Variants in NT5E observed in about 807,000 individuals in gnomAD.
NT5E encodes the protein 5'-nucleotidase ecto.
In NT5E, 53 loss-of-function variants were observed where a neutral mutation model predicts 55.1. The ratio of observed to expected loss-of-function variants is 0.96; its 90% CI spans 0.77 to 1.21. NT5E has a LOEUF of 1.21. NT5E is among the 50% of genes most tolerant of loss of function. The pLI is 0.00. For synonymous variants in NT5E, 270 were observed against 278.4 expected, an observed-to-expected ratio of 0.97 and a Z score of 0.30; for missense variants, 683 against 724.3, an observed-to-expected ratio of 0.94 and a Z score of 0.65.
Position 85,450,410 on chromosome 6 carries a change from A to G in NT5E, c.271A>G (p.Ile91Val), listed in dbSNP as rs1768830895. The change falls in exon 1 of 9, where the codon ATC becomes GTC. Residue 91 changes from isoleucine to valine, a missense_variant. By Grantham distance (29) the Ile-to-Val change is conservative. Transcript: ENST00000257770. The surrounding 1 kb of genome is among the most constrained non-coding windows in gnomAD (Gnocchi z 4.0). ...LDAGDQYQGT[I>V]WFTVYKGAEV... ...CGCCGGCGACCAGTACCAGGGCACT[A>G]TCTGGTTCACCGTGTACAAGGGCGC... 1.9e-6 allele frequency: 3 copies of G among 1,603,484 alleles called. No individual in the cohort carries two copies. Among genetic ancestry groups the G allele is most frequent in the Non-Finnish European group, 2.6e-6 (3 of 1,176,152 alleles).
At chr6:85,477,691 C>A (rs922567215) in intron 3 of NT5E, among the ~76,000 whole-genome samples, 3 of 152,110 alleles carry the variant, frequency 2.0e-5, no homozygotes, top group African/African-American at 7.2e-5. Flanking sequence ...CCTTTTAGAA[C>A]GAGAAAACAA....
chr6:85,482,185 T>A (rs1769562862), intron 3 of NT5E, among the ~76,000 whole-genome samples: 1 of 152,210 alleles, frequency 6.6e-6, no homozygotes, highest in Admixed American at 6.5e-5. Context: ...TACAACATTC[T>A]ATACTTCAGT....
chr6:85,457,062 G>C (rs530521103), intron 1 of NT5E, among the ~76,000 whole-genome samples: 1 of 152,314 alleles, frequency 6.6e-6, no homozygotes, highest in Non-Finnish European at 1.5e-5. Flanking sequence ...GTAATCAAAA[G>C]ATGATTATGA....
Position 85,494,833 on chromosome 6 carries a change from G to A in NT5E, c.*829G>A, listed in dbSNP as rs1351076866. 1 of 152,244 alleles carries A rather than the reference G, an allele frequency of 6.6e-6. No individual in the cohort carries two copies. The highest frequency in any genetic ancestry group is 1.9e-4 in the East Asian group (1 of 5,196). 9.4% of individuals were successfully genotyped at this position (152,244 alleles called of 1,614,324 possible). ...ACGAGAGAAAGGAAGGGGAAGAACA[G>A]GACTCCAGGACTGTTTTATATTATA... On this transcript the variant is annotated 3_prime_UTR_variant, in exon 9 of 9. Transcript: ENST00000257770.
chr6:85,487,205 C>A, intron 4 of NT5E, 130 bp from the exon 5 acceptor site: 1 of 908,334 alleles, frequency 1.1e-6, no homozygotes, highest in Non-Finnish European at 1.7e-6. Context: ...TGGTCAAAAC[C>A]AAAATGCACA....
intron 3 of NT5E, among the ~76,000 whole-genome samples, chr6:85,484,547 G>A (rs551676112): frequency 8.4e-4 from 128 of 152,278 alleles, no homozygotes; most frequent in Admixed American, 3.2e-3. Flanking sequence ...GAGTGTGCCT[G>A]CTGGTTGGCC....
At chr6:85,466,486 T>G (rs1309696815) in intron 1 of NT5E, among the ~76,000 whole-genome samples, 3 of 152,080 alleles carry the variant, frequency 2.0e-5, no homozygotes, top group African/African-American at 7.2e-5. Context: ...AGATGCTAGC[T>G]CCTGCCTGCT....
intron 1 of NT5E, among the ~76,000 whole-genome samples, chr6:85,454,090 T>A (rs1768943885): frequency 1.3e-5 from 2 of 152,206 alleles, no homozygotes; most frequent in Non-Finnish European, 2.9e-5. Flanking sequence ...TTTACCCATC[T>A]CCACGTATTT....
chr6:85,492,099 G>A lies in NT5E; in HGVS notation c.1483G>A (p.Val495Met), dbSNP rs776773111. The change falls in exon 8 of 9, where the codon GTG becomes ATG. Residue 495 changes from valine to methionine, a missense_variant. Transcript: ENST00000257770. ...DPLKMDEVYK[V>M]ILPNFLANGG... ...TCTCAAAATGGACGAGGTATATAAG[G>A]TGATCCTCCCAAACTTCCTGGCCAA... 2.1e-5 allele frequency: 34 copies of A among 1,614,176 alleles called. No homozygotes were observed. Among genetic ancestry groups the A allele is most frequent in the Non-Finnish European group, 2.6e-5 (31 of 1,180,020 alleles).
intron 1 of NT5E, among the ~76,000 whole-genome samples, chr6:85,459,181 C>G (rs1769045427): frequency 1.3e-5 from 2 of 152,118 alleles, no homozygotes. Flanking sequence ...CTAGGCTGGT[C>G]TCAAACTCCT....
At chr6:85,471,478 T>A (rs763498806) in intron 3 of NT5E, 53 bp downstream of exon 3, 1 of 1,521,080 alleles carries the variant, frequency 6.6e-7, no homozygotes, top group African/African-American at 1.4e-5. Context: ...AAGCACTGTG[T>A]CTCTTTTGCC....
chr6:85,484,923 G>A lies in NT5E; in HGVS notation c.752-312G>A, dbSNP rs79992089. 7.6e-3 allele frequency among the ~76,000 whole-genome samples: 1,157 copies of A among 152,294 alleles called. 3 individuals carry two copies. Among genetic ancestry groups the A allele is most frequent in the Non-Finnish European group, 0.012 (828 of 68,024 alleles). On this transcript the variant is annotated intron_variant, in intron 3 of 8. Coordinates refer to ENST00000257770, the MANE Select transcript of NT5E (RefSeq NM_002526.4). ...AATCCACCTGGCTAGTGAGAATGGAGCCACAGTGAACCTGGAGGATACTCT... is the reference window on the plus strand; with the variant it reads ...AATCCACCTGGCTAGTGAGAATGGAACCACAGTGAACCTGGAGGATACTCT...
intron 3 of NT5E, among the ~76,000 whole-genome samples, chr6:85,475,737 A>G (rs1769420943): frequency 6.6e-6 from 1 of 152,124 alleles, no homozygotes; most frequent in African/African-American, 2.4e-5. Context: ...ATTTTAAGTG[A>G]GTTTTGGATT....
chr6:85,491,220 G>A (rs908692314), intron 7 of NT5E: 3 of 392,298 alleles, frequency 7.6e-6, no homozygotes, highest in Non-Finnish European at 1.5e-5. Context: ...AAGTTGAATG[G>A]AAATAAATGC....
At chr6:85,491,429 G>A in intron 7 of NT5E, 1 of 310,628 alleles carries the variant, frequency 3.2e-6, no homozygotes, top group Non-Finnish European at 6.3e-6. Context: ...TGTTGAGACT[G>A]AAGGGCTACA....
intron 1 of NT5E, among the ~76,000 whole-genome samples, chr6:85,459,476 T>C (rs1030725570): frequency 2.0e-5 from 3 of 152,264 alleles, no homozygotes; most frequent in Non-Finnish European, 4.4e-5. Context: ...TCTGCTATCC[T>C]TTGTTTTACC....
In NT5E at chr6:85,450,105, C is replaced by A; in HGVS notation, c.-35C>A. Reference sequence around the variant, plus strand: ...CCTACTCGCCGGCACTCGCCCGGCTCGCCCGCTTTCGCACCCAGTTCACGC... The same window carrying A: ...CCTACTCGCCGGCACTCGCCCGGCTAGCCCGCTTTCGCACCCAGTTCACGC... On this transcript the variant is annotated 5_prime_UTR_variant, in exon 1 of 9. Transcript: ENST00000257770. This position sits in a 1 kb window ranked among gnomAD's most constrained non-coding sequence, Gnocchi z 4.0. The A allele has an allele frequency of 9.2e-6, 14 of 1,519,094 alleles. No homozygotes were observed. Among genetic ancestry groups the A allele is most frequent in the Non-Finnish European group, 1.2e-5 (14 of 1,131,120 alleles). The allele number at this position is 1,519,094 out of a possible 1,614,324, so 94.1% of individuals were successfully genotyped here.
chr6:85,465,183 T>C (rs1434919403), intron 1 of NT5E, among the ~76,000 whole-genome samples: 2 of 152,158 alleles, frequency 1.3e-5, no homozygotes, highest in Admixed American at 1.3e-4. Flanking sequence ...AAGTCACTAC[T>C]TTCAGGAGGA....
rs764641438 is a variant in NT5E, at chr6:85,450,167, G to T, written c.28G>T (p.Ala10Ser). 8.9e-6 allele frequency: 14 copies of T among 1,578,566 alleles called. No individual in the cohort carries two copies. The highest frequency in any genetic ancestry group is 1.2e-5 in the Non-Finnish European group (14 of 1,160,834). Reference protein sequence around the residue: MCPRAARAPATLLLALGAVL... With the variant: MCPRAARAPSTLLLALGAVL... ...GTGTCCCCGAGCCGCGCGGGCGCCCGCGACGCTACTCCTCGCCCTGGGCGC... is the reference window on the plus strand; with the variant it reads ...GTGTCCCCGAGCCGCGCGGGCGCCCTCGACGCTACTCCTCGCCCTGGGCGC... Residue 10 changes from alanine to serine, a missense_variant, in exon 1 of 9, where the codon GCG (alanine) becomes TCG (serine). Transcript: ENST00000257770. The surrounding 1 kb of genome is among the most constrained non-coding windows in gnomAD (Gnocchi z 4.0).
Sources: gnomAD v4.1 joint callset for allele counts (sites outside exome capture counted in the v4.1 genomes callset) on GRCh38, gnomAD v4.1.1 for gene constraint, Gnocchi (gnomAD v3.1) non-coding constraint, MANE v1.5 for transcripts, NCBI Gene and HGNC (gene_info 2026-07-23, HGNC 2026-07-21) for gene names.